USP24: variants seen among roughly 807,000 people sequenced by gnomAD.
The protein encoded by USP24 is ubiquitin carboxyl-terminal hydrolase 24.
USP24 carries 97 observed loss-of-function variants against 361.6 expected under a neutral mutation model. The ratio of observed to expected loss-of-function variants is 0.27; its 90% CI spans 0.23 to 0.32. The LOEUF (loss-of-function observed/expected upper bound fraction) is 0.32, where lower values mean the gene tolerates loss of function less well. Among genes scored for constraint, USP24 ranks in the 10% least tolerant of loss-of-function variants. USP24 has a pLI of 1.00. For missense variants in USP24, 2,353 were observed against 3,165.6 expected (o/e 0.74, Z 6.16); for synonymous variants, 1,098 against 1,124.6 (o/e 0.98, Z 0.47).
At chr1:55,098,133 C>T in intron 46 of USP24, 49 bp from the exon 47 acceptor site, 2 of 1,512,524 alleles carry the variant, frequency 1.3e-6, no homozygotes, top group South Asian at 1.4e-5. Context: ...GAATTTAAAA[C>T]TCTTCAATTA....
At chr1:55,168,837 C>T (rs998411951) in intron 5 of USP24, among the ~76,000 whole-genome samples, 1 of 152,156 alleles carries the variant, frequency 6.6e-6, no homozygotes. Context: ...AACTGTAGTG[C>T]TTCCAGGCAC....
intron 3 of USP24, among the ~76,000 whole-genome samples, chr1:55,172,961 G>T (rs1483251332): frequency 6.6e-6 from 1 of 151,976 alleles, no homozygotes; most frequent in Non-Finnish European, 1.5e-5. Context: ...AATGTTATGA[G>T]GATTAAAAGA....
rs1055625169 is a variant in USP24 at position 55,214,849 on chromosome 1, T to G, written c.265A>C (p.Thr89Pro). The G allele has an allele frequency of 8.2e-7, 1 of 1,222,018 alleles. No individual in the cohort carries two copies. Among genetic ancestry groups the G allele is most frequent in the African/African-American group, 1.6e-5 (1 of 62,882 alleles). 75.7% of individuals were successfully genotyped at this position (1,222,018 alleles called of 1,614,324 possible). The change falls in exon 1 of 68, where the codon ACC becomes CCC. Residue 89 changes from threonine to proline, a missense_variant. Thr to Pro is a conservative substitution (Grantham distance 38, BLOSUM62 -1). This residue lies in a region of USP24 where 253 missense variants were observed against 255.3 expected (regional missense o/e 0.99). Coordinates refer to ENST00000294383, the MANE Select transcript of USP24 (RefSeq NM_015306.3). ...GGGTCGAAGCCGCCCCCGCCTCCGG[T>G]GCTCCCGCCGCGGGAGGGGCCGCCG... Reference protein sequence around the residue: ...GGGGPSRGGSTGGGGGFDPPP... With the variant: ...GGGGPSRGGSPGGGGGFDPPP...
At chr1:55,092,770 A>G (rs1400178056) in intron 53 of USP24, 51 bp downstream of exon 53, 3 of 1,302,538 alleles carry the variant, frequency 2.3e-6, no homozygotes, top group Non-Finnish European at 3.2e-6. Flanking sequence ...TAGCTAAAGC[A>G]TATTTAATTG....
At chr1:55,208,692 C>T (rs921360231) in intron 1 of USP24, among the ~76,000 whole-genome samples, 1 of 151,258 alleles carries the variant, frequency 6.6e-6, no homozygotes, top group Non-Finnish European at 1.5e-5. Flanking sequence ...AATCCCAGCA[C>T]TCTGGGAGGC....
At chr1:55,211,752 T>A (rs1025326659) in intron 1 of USP24, among the ~76,000 whole-genome samples, 2 of 152,190 alleles carry the variant, frequency 1.3e-5, no homozygotes, top group African/African-American at 2.4e-5. Context: ...AGAAAACCAT[T>A]GCTATCCCCA....
At position 55,144,160 on chromosome 1, in the gene USP24, A is replaced by G. The variant is rs778736617; in HGVS notation, c.2406T>C (p.Cys802=). 1.2e-6 allele frequency: 2 copies of G among 1,607,798 alleles called. No individual in the cohort carries two copies. Among genetic ancestry groups the G allele is most frequent in the South Asian group, 2.2e-5 (2 of 89,292 alleles). ...CTCCTTGTCTTTTCAATCGATGATC[A>G]CAAAGATTCACATTTTCAAAAAAAG... is the stretch of plus-strand genomic sequence containing the variant. ...FKTFFENVNL[C]DHRLKRQGAQ... The change falls in exon 21 of 68, where the codon TGT becomes TGC. Residue 802 remains cysteine (C), a synonymous_variant. Transcript: ENST00000294383.
chr1:55,141,543 T>G (rs1646889731), intron 24 of USP24, 73 bp downstream of exon 24: 1 of 1,311,918 alleles, frequency 7.6e-7, no homozygotes, highest in Non-Finnish European at 1.1e-6. Flanking sequence ...CTGAGAAACC[T>G]ACATAAAAAA....
chr1:55,154,209 C>T lies in USP24; in HGVS notation c.1722G>A (p.Glu574=). The T allele has an allele frequency of 6.2e-7, 1 of 1,613,570 alleles. No individual in the cohort carries two copies. Residue 574 remains glutamate (E), a synonymous_variant, in exon 15 of 68, where the codon GAG becomes GAA. Transcript: ENST00000294383. ...CATCACTAAGGATTGTCAGGTGCTC[C>T]TCCAAGGCCTGCTGAATAAGGCTAC... is the stretch of plus-strand genomic sequence containing the variant. ...LPSSLIQQAL[E]EHLTILSDAY...
chr1:55,076,036 T>C (rs1314502995), intron 62 of USP24, among the ~76,000 whole-genome samples: 1 of 151,896 alleles, frequency 6.6e-6, no homozygotes, highest in Admixed American at 6.6e-5. Context: ...ATCTCAAATA[T>C]ATCTTAAAAC....
At chr1:55,075,369 G>T (rs1203718898) in intron 63 of USP24, 88 bp downstream of exon 63, 1 of 1,268,768 alleles carries the variant, frequency 7.9e-7, no homozygotes. Context: ...AGATCCCACC[G>T]AGAGTAGCAG....
At position 55,075,444 on chromosome 1, in the gene USP24, C is replaced by T. The variant is rs369183903; in HGVS notation, c.7447+13G>A. 1.9e-6 allele frequency: 3 copies of T among 1,591,942 alleles called. No individual in the cohort carries two copies. Among genetic ancestry groups the T allele is most frequent in the African/African-American group, 1.3e-5 (1 of 74,458 alleles). On this transcript the variant is annotated intron_variant, in intron 63 of 67. Coordinates refer to ENST00000294383, the MANE Select transcript of USP24 (RefSeq NM_015306.3). ...TACTATAGACATTTGTGCATAAGACCAGGCATACTTGCCTAGTAATCCATT... is the reference window on the plus strand; with the variant it reads ...TACTATAGACATTTGTGCATAAGACTAGGCATACTTGCCTAGTAATCCATT...
In USP24 at chr1:55,067,583, C is replaced by T. The variant is rs1022679848; in HGVS notation, c.*1462G>A. 6.6e-6 allele frequency: 1 copy of T among 152,214 alleles called. No homozygotes were observed. Among genetic ancestry groups the T allele is most frequent in the African/African-American group, 2.4e-5 (1 of 41,440 alleles). The allele number at this position is 152,214 out of a possible 1,614,324, so 9.4% of individuals were successfully genotyped here. A position where few individuals can be genotyped will look rare whatever the true frequency, so the allele number is the denominator to read the frequency against. On this transcript the variant is annotated 3_prime_UTR_variant, in exon 68 of 68. Coordinates refer to ENST00000294383, the MANE Select transcript of USP24 (RefSeq NM_015306.3). ...TGGCGAGAGCACAGTAATGAGATGC[C>T]ATCTGCCTGGCCACATGCCCACACA... is the stretch of plus-strand genomic sequence containing the variant.
intron 1 of USP24, among the ~76,000 whole-genome samples, chr1:55,210,879 C>T (rs1214086683): frequency 6.6e-6 from 1 of 152,160 alleles, no homozygotes; most frequent in Non-Finnish European, 1.5e-5. Context: ...CAGCACTAGA[C>T]AGCTAAGAAA....
chr1:55,189,760 G>A (rs1219705456), intron 1 of USP24, among the ~76,000 whole-genome samples: 2 of 152,110 alleles, frequency 1.3e-5, no homozygotes, highest in Non-Finnish European at 2.9e-5. Context: ...AATGATTATA[G>A]TCACTAAAGA....
chr1:55,191,736 C>T (rs759309269), intron 1 of USP24, among the ~76,000 whole-genome samples: 17 of 152,024 alleles, frequency 1.1e-4, no homozygotes, highest in South Asian at 2.1e-4. Context: ...GTGATCTGCC[C>T]GCCTCTGGCT....
chr1:55,099,756 T>G lies in USP24; in HGVS notation c.5370+15A>C, dbSNP rs762944268. 6.5e-7 allele frequency: 1 copy of G among 1,535,970 alleles called. No individual in the cohort carries two copies. The highest frequency in any genetic ancestry group is 1.4e-5 in the African/African-American group (1 of 72,698). On this transcript the variant is annotated intron_variant, in intron 45 of 67. Transcript: ENST00000294383. Reference sequence around the variant, plus strand: ...GAGTTTGAGGGAGTTAGAGGGAAAGTACAACTTTTACTACCTTGAGGTATT... The same window carrying G: ...GAGTTTGAGGGAGTTAGAGGGAAAGGACAACTTTTACTACCTTGAGGTATT...
intron 46 of USP24, 64 bp downstream of exon 46, chr1:55,098,412 C>A: frequency 7.1e-7 from 1 of 1,417,114 alleles, no homozygotes; most frequent in South Asian, 1.3e-5. Flanking sequence ...AAATTTACAA[C>A]ATACTAAACA....
In USP24 at chr1:55,069,045, C is replaced by T. The variant is rs1450118227; in HGVS notation, c.7863G>A (p.Ter2621=). The change falls in exon 68 of 68, where the codon TAG becomes TAA. Residue 2621 remains the stop codon, a stop_retained_variant. Coordinates refer to ENST00000294383, the MANE Select transcript of USP24 (RefSeq NM_015306.3). ...LRSDLDDVDP[*] is the part of the protein sequence containing the mutation. ...CTCCTCTCAGGCTGGGCATGTTCCTCTAGGGATCAACATCATCAAGGTCAC... is the reference window on the plus strand; with the variant it reads ...CTCCTCTCAGGCTGGGCATGTTCCTTTAGGGATCAACATCATCAAGGTCAC... 1 of 1,614,004 alleles carries T rather than the reference C, an allele frequency of 6.2e-7. No homozygotes were observed. The highest frequency in any genetic ancestry group is 1.7e-5 in the Admixed American group (1 of 60,034).
Sources: allele counts gnomAD v4.1 joint callset (sites outside exome capture counted in the v4.1 genomes callset), GRCh38; gene constraint gnomAD v4.1.1; regional missense constraint gnomAD v4.1.1; transcripts MANE v1.5; gene names NCBI Gene and HGNC (gene_info 2026-07-23, HGNC 2026-07-21).